NSD1: variants seen among roughly 807,000 people sequenced by gnomAD.
NSD1 encodes the protein nuclear receptor binding SET domain protein 1.
In NSD1, 26 loss-of-function variants were observed where a neutral mutation model predicts 242.7. That is an observed-to-expected ratio of 0.11 (90% CI 0.08 to 0.15). The LOEUF (loss-of-function observed/expected upper bound fraction) is 0.15, where lower values mean the gene tolerates loss of function less well. NSD1 is among the 10% of genes least tolerant of loss of function. NSD1 has a pLI of 1.00. For synonymous variants in NSD1, 1,106 were observed against 1,178.1 expected, an observed-to-expected ratio of 0.94 and a Z score of 1.25; for missense variants, 2,495 against 3,272.8, an observed-to-expected ratio of 0.76 and a Z score of 5.80.
rs1402644179 is a variant in NSD1 at position 177,300,037 on chromosome 5, C to T, written c.*4578C>T. 1.4e-5 allele frequency: 3 copies of T among 214,634 alleles called. No individual in the cohort carries two copies. In the Admixed American group the frequency reaches 1.8e-4, roughly 13 times the overall value. 13.3% of individuals were successfully genotyped at this position (214,634 alleles called of 1,614,324 possible). On this transcript the variant is annotated 3_prime_UTR_variant, in exon 23 of 23. Coordinates refer to ENST00000439151, the MANE Select transcript of NSD1 (RefSeq NM_022455.5). ...GGGGTCGGGGGGATCAGCCAAGGTCCATCATTGCTTTTTTGCCGCGCCCCC... is the reference window on the plus strand; with the variant it reads ...GGGGTCGGGGGGATCAGCCAAGGTCTATCATTGCTTTTTTGCCGCGCCCCC...
intron 5 of NSD1, among the ~76,000 whole-genome samples, chr5:177,220,862 T>G (rs1764179004): frequency 6.6e-6 from 1 of 152,070 alleles, no homozygotes; most frequent in African/African-American, 2.4e-5. Context: ...TGAGCCACTG[T>G]GGTCGGCCTC....
At chr5:177,260,675 T>A (rs554505845) in intron 14 of NSD1, among the ~76,000 whole-genome samples, 1 of 152,116 alleles carries the variant, frequency 6.6e-6, no homozygotes. Context: ...CTTGGCTTTG[T>A]TGCCCAATAG....
At chr5:177,271,047 G>A (rs908438931) in intron 16 of NSD1, among the ~76,000 whole-genome samples, 6 of 152,062 alleles carry the variant, frequency 3.9e-5, no homozygotes, top group African/African-American at 1.2e-4. Flanking sequence ...GGGAGAAGGC[G>A]GAGTATAAGG....
intron 2 of NSD1, among the ~76,000 whole-genome samples, chr5:177,154,046 A>G (rs560554620): frequency 1.8e-4 from 28 of 152,216 alleles, no homozygotes; most frequent in African/African-American, 4.8e-4. Context: ...GATGTCTGCC[A>G]GGGCTGCGGT....
At position 177,296,674 on chromosome 5, in the gene NSD1, G is replaced by C. The variant is rs1031489371; in HGVS notation, c.*1215G>C. The C allele has an allele frequency of 2.6e-5, 6 of 233,234 alleles. No individual in the cohort carries two copies. The highest frequency in any genetic ancestry group is 1.1e-4 in the African/African-American group (5 of 45,336). 14.4% of individuals were successfully genotyped at this position (233,234 alleles called of 1,614,324 possible). A position where few individuals can be genotyped will look rare whatever the true frequency, so the allele number is the denominator to read the frequency against. ...CTTCCCTGAAGACTGGCAAGAGGTG[G>C]TGTTTAGAGCAACGTCCAGGCTAAG... On this transcript the variant is annotated 3_prime_UTR_variant, in exon 23 of 23. Transcript: ENST00000439151.
At chr5:177,251,905 T>G (rs1459332177) in intron 12 of NSD1, 52 bp downstream of exon 12, 1 of 1,611,804 alleles carries the variant, frequency 6.2e-7, no homozygotes, top group Non-Finnish European at 8.5e-7. Flanking sequence ...AATTTTAAGT[T>G]TTTCAGGAAA....
Position 177,297,328 on chromosome 5 carries a change from C to T in NSD1, c.*1869C>T, listed in dbSNP as rs1165994955. The T allele has an allele frequency of 8.7e-6, 2 of 230,258 alleles. No individual in the cohort carries two copies. Among genetic ancestry groups the T allele is most frequent in the African/African-American group, 2.2e-5 (1 of 45,042 alleles). 14.3% of individuals were successfully genotyped at this position (230,258 alleles called of 1,614,324 possible). A position where few individuals can be genotyped will look rare whatever the true frequency, so the allele number is the denominator to read the frequency against. On this transcript the variant is annotated 3_prime_UTR_variant, in exon 23 of 23. Transcript: ENST00000439151. ...CTCTTTGTTCAAAAGGAAGAGAAAA[C>T]GTAAAGCATCTTATTTTCTTTTAAA... is the stretch of plus-strand genomic sequence containing the variant.
intron 20 of NSD1, among the ~76,000 whole-genome samples, chr5:177,288,264 A>G (rs974515744): frequency 1.3e-5 from 2 of 152,202 alleles, no homozygotes; most frequent in Non-Finnish European, 2.9e-5. Context: ...TATTGTCTCA[A>G]TAAGCTTGTC....
At chr5:177,213,040 T>A (rs547333779) in intron 5 of NSD1, among the ~76,000 whole-genome samples, 6 of 152,208 alleles carry the variant, frequency 3.9e-5, no homozygotes, top group Non-Finnish European at 8.8e-5. Context: ...TAGTACTTAT[T>A]TGAAGGTCTT....
At chr5:177,283,365 G>C (rs1008007759) in intron 19 of NSD1, among the ~76,000 whole-genome samples, 7 of 152,170 alleles carry the variant, frequency 4.6e-5, no homozygotes, top group African/African-American at 1.7e-4. Context: ...CTTACTTTGG[G>C]ATTGGGACTC....
At chr5:177,274,697 T>TTGTGTGTGTGTGTGTG (rs138385964) in intron 17 of NSD1, among the ~76,000 whole-genome samples, 11 of 145,444 alleles carry the variant, frequency 7.6e-5, no homozygotes, top group Admixed American at 2.1e-4. Context: ...CACTTATCCT[T>TTGTGTGTGTGTGTGTG]TGTGTGTGTG....
intron 5 of NSD1, among the ~76,000 whole-genome samples, chr5:177,217,834 A>AT (rs985937894): frequency 6.6e-6 from 1 of 151,046 alleles, no homozygotes; most frequent in Non-Finnish European, 1.5e-5. Flanking sequence ...CGCCCGGCTA[A>AT]TTTTTTTGTA....
At chr5:177,264,833 G>A in intron 14 of NSD1, 1 of 756,458 alleles carries the variant, frequency 1.3e-6, no homozygotes, top group South Asian at 1.3e-5. Flanking sequence ...AGAAAACATG[G>A]AGTTGTTCCT....
upstream of NSD1, chr5:177,133,518 C>A (rs1756009091): frequency 6.6e-6 from 1 of 151,438 alleles, no homozygotes; most frequent in Non-Finnish European, 1.5e-5. The surrounding 1 kb of genome is among the most constrained non-coding windows in gnomAD (Gnocchi z 6.2). Context: ...CCGGGCCGGC[C>A]CGTAGGCCCC....
chr5:177,201,956 C>T (rs1010333232), intron 3 of NSD1, among the ~76,000 whole-genome samples: 57 of 151,704 alleles, frequency 3.8e-4, no homozygotes, highest in African/African-American at 1.1e-3. Flanking sequence ...CACCTGAGGT[C>T]GGCAGTTTGA....
Position 177,295,658 on chromosome 5 carries a change from T to TGAA in NSD1, c.*200_*202dup. The TGAA allele has an allele frequency of 1.5e-6, 1 of 663,034 alleles. No individual in the cohort carries two copies. The highest frequency in any genetic ancestry group is 2.6e-6 in the Non-Finnish European group (1 of 381,644). 41.1% of individuals were successfully genotyped at this position (663,034 alleles called of 1,614,324 possible). On this transcript the variant is annotated 3_prime_UTR_variant, in exon 23 of 23. Coordinates refer to ENST00000439151, the MANE Select transcript of NSD1 (RefSeq NM_022455.5). The surrounding 1 kb of genome is among the most constrained non-coding windows in gnomAD (Gnocchi z 4.3). ...GGCTTATGGTTGTGTGAACCATGTA[T>TGAA]GAAAATCCAGTGGGCCCCAACCAAG...
intron 2 of NSD1, among the ~76,000 whole-genome samples, chr5:177,185,770 TA>T (rs1761080248): frequency 8.8e-5 from 6 of 68,246 alleles, no homozygotes; most frequent in Admixed American, 8.3e-4. Flanking sequence ...TTTATATATT[TA>T]TATATTATAT....
At chr5:177,151,352 C>A (rs554578837) in intron 2 of NSD1, among the ~76,000 whole-genome samples, 5 of 152,216 alleles carry the variant, frequency 3.3e-5, no homozygotes, top group Middle Eastern at 3.4e-3. Flanking sequence ...CCATTGCACT[C>A]CAGCCTGGAC....
chr5:177,277,591 A>G (rs1280673765), intron 17 of NSD1, among the ~76,000 whole-genome samples: 1 of 152,180 alleles, frequency 6.6e-6, no homozygotes, highest in Non-Finnish European at 1.5e-5. Flanking sequence ...TTACGATGTG[A>G]TAAGTACAAA....
Sources: allele counts gnomAD v4.1 joint callset (sites outside exome capture counted in the v4.1 genomes callset), GRCh38; gene constraint gnomAD v4.1.1; non-coding constraint Gnocchi (gnomAD v3.1); transcripts MANE v1.5; gene names NCBI Gene and HGNC (gene_info 2026-07-23, HGNC 2026-07-21).